Variants in GALNT2 observed in about 807,000 individuals in gnomAD.
GALNT2 encodes the protein polypeptide N-acetylgalactosaminyltransferase 2, also known as UDP-GalNAc:polypeptide N-acetylgalactosaminyltransferase 2.
In GALNT2, 31 loss-of-function variants were observed where a neutral mutation model predicts 81.4. That is an observed-to-expected ratio of 0.38 (90% CI 0.29 to 0.51). The LOEUF (loss-of-function observed/expected upper bound fraction) is 0.51. Ranked by LOEUF, GALNT2 falls within the 20% of genes least tolerant of loss-of-function variation. GALNT2 has a pLI of 0.87. For synonymous variants in GALNT2, 303 were observed against 287.4 expected, an observed-to-expected ratio of 1.05 and a Z score of -0.55; for missense variants, 629 against 765.7, an observed-to-expected ratio of 0.82 and a Z score of 2.11.
At chr1:230,168,150 A>C (rs901565951) in intron 1 of GALNT2, among the ~76,000 whole-genome samples, 2 of 150,896 alleles carry the variant, frequency 1.3e-5, no homozygotes, top group African/African-American at 4.8e-5. Flanking sequence ...CAAGTGTTAG[A>C]AAATGGAGCC....
intron 1 of GALNT2, among the ~76,000 whole-genome samples, chr1:230,137,113 G>A (rs903739101): frequency 6.6e-6 from 1 of 152,220 alleles, no homozygotes; most frequent in Non-Finnish European, 1.5e-5. Context: ...GAGCTGAGGC[G>A]TGTGGACTGT....
chr1:230,181,556 T>G (rs553078000), intron 2 of GALNT2, among the ~76,000 whole-genome samples: 2 of 151,804 alleles, frequency 1.3e-5, no homozygotes, highest in East Asian at 3.9e-4. Flanking sequence ...ACCTTTCGTT[T>G]CCTTTTTTTT....
Position 230,193,358 on chromosome 1 carries a change from A to C in GALNT2, c.221-9779A>C, listed in dbSNP as rs778066257. ...CTTGTACACCTGCGGGTGGTAGATG[A>C]CAGCTCTTTGCCCAAGAGCATATGT... is the stretch of plus-strand genomic sequence containing the variant. On this transcript the variant is annotated intron_variant, in intron 2 of 15. Transcript: ENST00000366672. The surrounding 1 kb of genome is among the most constrained non-coding windows in gnomAD (Gnocchi z 4.3). 1.3e-5 allele frequency among the ~76,000 whole-genome samples: 2 copies of C among 152,172 alleles called. No individual in the cohort carries two copies. Among genetic ancestry groups the C allele is most frequent in the Non-Finnish European group, 2.9e-5 (2 of 68,026 alleles).
At chr1:230,164,091 T>C (rs570555066) in intron 1 of GALNT2, among the ~76,000 whole-genome samples, 3 of 152,288 alleles carry the variant, frequency 2.0e-5, no homozygotes, top group African/African-American at 7.2e-5. Flanking sequence ...ACCTCAAAGA[T>C]ACTGTGAAGA....
rs566703754 is a variant in GALNT2 at position 230,265,093 on chromosome 1, A to G, written c.1314-148A>G. The G allele has an allele frequency of 2.0e-4, 189 of 925,224 alleles. No individual in the cohort carries two copies. The African/African-American group carries it at 2.7e-3, about 13-fold the overall frequency. 57.3% of individuals were successfully genotyped at this position (925,224 alleles called of 1,614,324 possible). On this transcript the variant is annotated intron_variant, in intron 13 of 15. Transcript: ENST00000366672. Reference sequence around the variant, plus strand: ...AAATGCCGTGTCCCTGACACACACTACCTGTGGTAGGAAGAGGCACGATGC... The same window carrying G: ...AAATGCCGTGTCCCTGACACACACTGCCTGTGGTAGGAAGAGGCACGATGC...
At chr1:230,082,075 TG>T (rs1659750301) in intron 1 of GALNT2, among the ~76,000 whole-genome samples, 1 of 152,156 alleles carries the variant, frequency 6.6e-6, no homozygotes, top group Non-Finnish European at 1.5e-5. Context: ...AGGTCAGTGG[TG>T]ACATCAGGTG....
intron 3 of GALNT2, among the ~76,000 whole-genome samples, chr1:230,219,589 C>T (rs954284807): frequency 2.6e-5 from 4 of 152,128 alleles, no homozygotes; most frequent in African/African-American, 9.7e-5. Flanking sequence ...CAAGAACTAA[C>T]CTATGGTGAG....
intron 1 of GALNT2, among the ~76,000 whole-genome samples, chr1:230,162,434 A>G (rs145564893): frequency 6.6e-6 from 1 of 152,306 alleles, no homozygotes; most frequent in East Asian, 1.9e-4. Flanking sequence ...TAGGGTTCAG[A>G]AAACAATATC....
rs1660104012 is a variant in GALNT2, at chr1:230,092,175, A to AG, written c.126+24770dup. Reference sequence around the variant, plus strand: ...ATTACAGTTCACCTTATATTCCTTTAGTTTTTTTTTTTTTTTTTTTTGCAC... The same window carrying AG: ...ATTACAGTTCACCTTATATTCCTTTAGGTTTTTTTTTTTTTTTTTTTTGCAC... On this transcript the variant is annotated intron_variant, in intron 1 of 15. Transcript: ENST00000366672. 3.4e-4 allele frequency: 7 copies of AG among 20,760 alleles called. No individual in the cohort carries two copies. The South Asian group carries it at 0.011, about 33-fold the overall frequency. 1.3% of individuals were successfully genotyped at this position (20,760 alleles called of 1,614,324 possible). A position where few individuals can be genotyped will look rare whatever the true frequency, so the allele number is the denominator to read the frequency against.
chr1:230,278,700 C>T (rs1355575160), intron 15 of GALNT2, among the ~76,000 whole-genome samples: 1 of 152,198 alleles, frequency 6.6e-6, no homozygotes, highest in Non-Finnish European at 1.5e-5. Flanking sequence ...GGAGCTTGCA[C>T]ACCAGTAGAG....
rs866103391 is a variant in GALNT2, at chr1:230,165,732, C to T, written c.127-12486C>T. Among the ~76,000 whole-genome samples the T allele has an allele frequency of 2.6e-5, 4 of 152,364 alleles. No individual in the cohort carries two copies. In the South Asian group the frequency reaches 8.3e-4, roughly 32 times the overall value. ...GTGGCGCCAGAGGTAGGGGATCTCA[C>T]AGCTTGTCCCTGGGTGGCACTGGTC... On this transcript the variant is annotated intron_variant, in intron 1 of 15. Coordinates refer to ENST00000366672, the MANE Select transcript of GALNT2 (RefSeq NM_004481.5).
At chr1:230,252,941 G>T (rs1430562912) in intron 10 of GALNT2, among the ~76,000 whole-genome samples, 3 of 144,156 alleles carry the variant, frequency 2.1e-5, no homozygotes, top group Non-Finnish European at 4.4e-5. Flanking sequence ...TCGCCTCCCG[G>T]GTTCAAGTGA....
intron 1 of GALNT2, among the ~76,000 whole-genome samples, chr1:230,074,264 T>A (rs916854861): frequency 6.6e-6 from 1 of 152,180 alleles, no homozygotes; most frequent in Non-Finnish European, 1.5e-5. Context: ...GGCTAATTTT[T>A]AAATTTTTTG....
rs769518691 is a variant in GALNT2 at position 230,274,515 on chromosome 1, C to T, written c.1511C>T (p.Pro504Leu). The part of the protein sequence containing the change: ...DLCLTVVDRA[P>L]GSLIKLQGCR... ...TGCCTTACTGTGGTGGACCGGGCAC[C>T]GGGCTCTCTTATAAAGCTGCAGGGC... The change falls in exon 15 of 16, where the codon CCG becomes CTG. Residue 504 changes from proline to leucine, a missense_variant. This residue lies in a region of GALNT2 where 207 missense variants were observed against 225.5 expected (regional missense o/e 0.92). Transcript: ENST00000366672. 9.9e-6 allele frequency: 16 copies of T among 1,613,898 alleles called. No individual in the cohort carries two copies. The highest frequency in any genetic ancestry group is 2.2e-5 in the East Asian group (1 of 44,900).
intron 2 of GALNT2, among the ~76,000 whole-genome samples, chr1:230,189,896 T>G (rs1024112602): frequency 1.3e-5 from 2 of 152,228 alleles, no homozygotes; most frequent in Admixed American, 6.5e-5. Flanking sequence ...CTTACAGTAC[T>G]TGTCCTTTAT....
rs113285563 is a variant in GALNT2 at position 230,232,914 on chromosome 1, C to T, written c.375-3100C>T. Among the ~76,000 whole-genome samples the T allele has an allele frequency of 1.9e-3, 291 of 152,226 alleles. 2 individuals are homozygous for T. Among genetic ancestry groups the T allele is most frequent in the African/African-American group, 6.7e-3 (279 of 41,558 alleles). On this transcript the variant is annotated intron_variant, in intron 3 of 15. Coordinates refer to ENST00000366672, the MANE Select transcript of GALNT2 (RefSeq NM_004481.5). The stretch of plus-strand genomic sequence containing the variant: ...CAGACAACCGTGAACAGTTTCCCCC[C>T]AAAAACTAGTATATTATGCAATTTC...
At chr1:230,175,613 C>CTCCT (rs1427357375) in intron 1 of GALNT2, among the ~76,000 whole-genome samples, 2 of 135,290 alleles carry the variant, frequency 1.5e-5, no homozygotes, top group Admixed American at 7.4e-5. Flanking sequence ...CCTCCTCCTC[C>CTCCT]CCCTCCCTCT....
chr1:230,276,028 T>C lies in GALNT2; in HGVS notation c.1560+1464T>C, dbSNP rs1030700174. ...TATATACGTATATATACATGCCACA[T>C]ATATATACGTATATACATGCCACAT... On this transcript the variant is annotated intron_variant, in intron 15 of 15. Coordinates refer to ENST00000366672, the MANE Select transcript of GALNT2 (RefSeq NM_004481.5). Among the ~76,000 whole-genome samples, 129 of 62,344 alleles carry C rather than the reference T, an allele frequency of 2.1e-3. 3 individuals carry two copies. The highest frequency in any genetic ancestry group is 5.6e-3 in the African/African-American group (49 of 8,726). 40.9% of individuals were successfully genotyped at this position (62,344 alleles called of 152,430 possible). A position where few individuals can be genotyped will look rare whatever the true frequency, so the allele number is the denominator to read the frequency against.
At position 230,275,922 on chromosome 1, in the gene GALNT2, GATACATAC is replaced by G. The variant is rs1281626105; in HGVS notation, c.1560+1362_1560+1369del. Among the ~76,000 whole-genome samples the G allele has an allele frequency of 4.8e-5, 7 of 144,818 alleles. No homozygotes were observed. The highest frequency in any genetic ancestry group is 7.7e-5 in the African/African-American group (3 of 39,074). On this transcript the variant is annotated intron_variant, in intron 15 of 15. Coordinates refer to ENST00000366672, the MANE Select transcript of GALNT2 (RefSeq NM_004481.5). This position sits in a 1 kb window ranked among gnomAD's most constrained non-coding sequence, Gnocchi z 5.5. Reference sequence around the variant, plus strand: ...ACCACATATATACATAGACACCACAGATACATACATATATACATGCCACATATATATAC... The same window carrying G: ...ACCACATATATACATAGACACCACAGATATATACATGCCACATATATATAC...
Sources: gnomAD v4.1 joint callset for allele counts (sites outside exome capture counted in the v4.1 genomes callset) on GRCh38, gnomAD v4.1.1 for gene constraint, gnomAD v4.1.1 regional missense constraint, Gnocchi (gnomAD v3.1) non-coding constraint, MANE v1.5 for transcripts, NCBI Gene and HGNC (gene_info 2026-07-23, HGNC 2026-07-21) for gene names.